UGT1A4: variants seen among roughly 807,000 people sequenced by gnomAD.
UGT1A4 encodes the protein UDP glucuronosyltransferase family 1 member A4.
UGT1A4 carries 32 observed loss-of-function variants against 41.1 expected under a neutral mutation model. That is an observed-to-expected ratio of 0.78 (90% CI 0.59 to 1.05). The LOEUF (loss-of-function observed/expected upper bound fraction) is 1.05, where lower values mean the gene tolerates loss of function less well. UGT1A4 is among the 50% of genes least tolerant of loss of function. The pLI is 0.00. For missense variants in UGT1A4, 748 were observed against 677.4 expected, an observed-to-expected ratio of 1.10 and a Z score of -1.16; for synonymous variants, 283 against 265.1, an observed-to-expected ratio of 1.07 and a Z score of -0.66.
At chr2:233,771,865 A>G (rs1241166548) in intron 4 of UGT1A4, among the ~76,000 whole-genome samples, 1 of 149,352 alleles carries the variant, frequency 6.7e-6, no homozygotes, top group Non-Finnish European at 1.5e-5. Context: ...GATCAATAAC[A>G]TTTATTAAGA....
At chr2:233,732,716 G>A (rs2078304565) in intron 1 of UGT1A4, among the ~76,000 whole-genome samples, 1 of 148,658 alleles carries the variant, frequency 6.7e-6, no homozygotes, top group Non-Finnish European at 1.5e-5. Flanking sequence ...TAGCCTTGTA[G>A]TACAGTTTGA....
At chr2:233,726,263 T>C (rs2077520511) in intron 1 of UGT1A4, among the ~76,000 whole-genome samples, 1 of 152,204 alleles carries the variant, frequency 6.6e-6, no homozygotes, top group African/African-American at 2.4e-5. Flanking sequence ...TGCAGTGGCA[T>C]GCGCCTATGG....
In UGT1A4 at chr2:233,767,872, C is replaced by A. The variant is rs997427896; in HGVS notation, c.1023C>A (p.Thr341=). The A allele has an allele frequency of 6.2e-7, 1 of 1,614,024 alleles. No individual in the cohort carries two copies. The highest frequency in any genetic ancestry group is 8.5e-7 in the Non-Finnish European group (1 of 1,180,044). The change falls in exon 3 of 5, where the codon ACC becomes ACA. Residue 341 remains threonine (T), a synonymous_variant. Coordinates refer to ENST00000373409, the MANE Select transcript of UGT1A4 (RefSeq NM_007120.3). ...PQTVLWRYTG[T]RPSNLANNTI... is the part of the protein sequence containing the mutation. Reference sequence around the variant, plus strand: ...AGGTCCTGTGGCGGTACACTGGAACCCGACCATCGAATCTTGCGAACAACA... The same window carrying A: ...AGGTCCTGTGGCGGTACACTGGAACACGACCATCGAATCTTGCGAACAACA...
Position 233,769,630 on chromosome 2 carries a change from A to G in UGT1A4, c.1307+1191A>G, listed in dbSNP as rs528146282. 1.2e-5 allele frequency: 19 copies of G among 1,611,880 alleles called. 1 individual carries two copies. The Admixed American group carries it at 2.5e-4, about 21-fold the overall frequency. ...CACACCAGCTTGAGCAAGGGACAAC[A>G]GGGGAGGACTGATGACTGACTTCCC... On this transcript the variant is annotated intron_variant, in intron 4 of 4. Coordinates refer to ENST00000373409, the MANE Select transcript of UGT1A4 (RefSeq NM_007120.3). This position sits in a 1 kb window ranked among gnomAD's most constrained non-coding sequence, Gnocchi z 4.4.
chr2:233,743,388 G>A (rs1692276435), intron 1 of UGT1A4: 2 of 1,234,066 alleles, frequency 1.6e-6, no homozygotes, highest in Non-Finnish European at 2.2e-6. Flanking sequence ...CGTAGGACAT[G>A]CAGAAGGAAG....
chr2:233,755,374 C>T (rs1205727870), intron 1 of UGT1A4: 2 of 355,400 alleles, frequency 5.6e-6, no homozygotes, highest in East Asian at 1.5e-4. Flanking sequence ...CCTGGAGGGC[C>T]GCCCCTTATG....
intron 1 of UGT1A4, among the ~76,000 whole-genome samples, chr2:233,748,824 G>A (rs1694036500): frequency 6.6e-6 from 1 of 151,412 alleles, no homozygotes. Context: ...GAAGGGTCTA[G>A]GGAGGAGATA....
chr2:233,728,302 T>C (rs2077696881), intron 1 of UGT1A4, among the ~76,000 whole-genome samples: 1 of 152,178 alleles, frequency 6.6e-6, no homozygotes, highest in Non-Finnish European at 1.5e-5. Context: ...ATTCAGACTG[T>C]GCAAGATCTG....
At chr2:233,770,057 T>C (rs1700010876) in intron 4 of UGT1A4, 1 of 154,188 alleles carries the variant, frequency 6.5e-6, no homozygotes, top group Admixed American at 6.5e-5. Context: ...GCTCACATTA[T>C]GGATATAATT....
chr2:233,758,075 A>C (rs1280685172), intron 1 of UGT1A4, among the ~76,000 whole-genome samples: 1 of 152,176 alleles, frequency 6.6e-6, no homozygotes, highest in African/African-American at 2.4e-5. Flanking sequence ...TTCTGGGCCT[A>C]GTTCCTAGCA....
rs190315696 is a variant in UGT1A4 at position 233,744,277 on chromosome 2, A to G, written c.868-22757A>G. On this transcript the variant is annotated intron_variant, in intron 1 of 4. Transcript: ENST00000373409. Reference sequence around the variant, plus strand: ...AACTGTTTTTCTTAAAGTAGGCTTTATATCAGTCTTTTTCCTCGGCCACAG... The same window carrying G: ...AACTGTTTTTCTTAAAGTAGGCTTTGTATCAGTCTTTTTCCTCGGCCACAG... 2.4e-3 allele frequency among the ~76,000 whole-genome samples: 368 copies of G among 151,920 alleles called. 17 individuals carry two copies. Among genetic ancestry groups the G allele is most frequent in the African/African-American group, 8.5e-3 (350 of 41,184 alleles).
chr2:233,768,874 G>A (rs1264130017), intron 4 of UGT1A4, among the ~76,000 whole-genome samples: 1 of 151,996 alleles, frequency 6.6e-6, no homozygotes, highest in East Asian at 1.9e-4. Flanking sequence ...ATGAGCCAGC[G>A]CGTCTGACCT....
intron 1 of UGT1A4, among the ~76,000 whole-genome samples, chr2:233,749,475 A>G (rs1280594340): frequency 1.3e-5 from 2 of 151,882 alleles, no homozygotes; most frequent in Non-Finnish European, 2.9e-5. Flanking sequence ...TGTGGCACAG[A>G]TCACTCTTGC....
At chr2:233,728,977 G>C (rs1437469513) in intron 1 of UGT1A4, 13 of 1,494,456 alleles carry the variant, frequency 8.7e-6, no homozygotes, top group Admixed American at 2.1e-5. Flanking sequence ...ATAGATTAAT[G>C]GTTAATAATT....
At chr2:233,734,977 G>T (rs2078594249) in intron 1 of UGT1A4, among the ~76,000 whole-genome samples, 1 of 152,188 alleles carries the variant, frequency 6.6e-6, no homozygotes, top group Non-Finnish European at 1.5e-5. Context: ...GTGCTGAGAA[G>T]AATGTATATT....
intron 1 of UGT1A4, chr2:233,755,364 C>G (rs1279732640): frequency 1.4e-5 from 5 of 364,304 alleles, no homozygotes; most frequent in Non-Finnish European, 2.6e-5. Flanking sequence ...ACCTGGGCCG[C>G]CTGGAGGGCC....
intron 1 of UGT1A4, chr2:233,728,971 AT>A: frequency 6.7e-7 from 1 of 1,483,170 alleles, no homozygotes; most frequent in Non-Finnish European, 9.0e-7. Flanking sequence ...ACAGTGATAG[AT>A]TAATGGTTAA....
At chr2:233,768,580 T>TTA in intron 4 of UGT1A4, 141 bp downstream of exon 4, 2 of 1,335,112 alleles carry the variant, frequency 1.5e-6, no homozygotes, top group Non-Finnish European at 1.9e-6. Context: ...TTTTTATTTC[T>TTA]TCTTTTTTTT....
intron 1 of UGT1A4, chr2:233,729,074 T>C: frequency 1.2e-6 from 2 of 1,611,804 alleles, no homozygotes; most frequent in Non-Finnish European, 1.7e-6. Flanking sequence ...AGAAAGCAAA[T>C]GTAGCAGGCA....
Sources: gnomAD v4.1 joint callset for allele counts (sites outside exome capture counted in the v4.1 genomes callset) on GRCh38, gnomAD v4.1.1 for gene constraint, Gnocchi (gnomAD v3.1) non-coding constraint, MANE v1.5 for transcripts, NCBI Gene and HGNC (gene_info 2026-07-23, HGNC 2026-07-21) for gene names.